ELP3: variants seen among roughly 807,000 people sequenced by gnomAD.
The protein encoded by ELP3 is elongator acetyltransferase complex subunit 3.
Under a neutral mutation model 74.9 loss-of-function variants are expected in ELP3, and 56 were observed. The observed-to-expected ratio is 0.75, with a 90% CI of 0.60 to 0.93. ELP3 has a LOEUF of 0.93. Among genes scored for constraint, ELP3 ranks in the 40% least tolerant of loss-of-function variants. The pLI is 0.00. For missense variants in ELP3, 573 were observed against 686.5 expected, an observed-to-expected ratio of 0.83 and a Z score of 1.85; for synonymous variants, 222 against 239.8, an observed-to-expected ratio of 0.93 and a Z score of 0.68.
intron 14 of ELP3, among the ~76,000 whole-genome samples, chr8:28,166,450 C>T (rs1156961986): frequency 6.6e-6 from 1 of 152,116 alleles, no homozygotes; most frequent in East Asian, 1.9e-4. Context: ...ATTAATTAGT[C>T]CCTATTAATT....
chr8:28,092,989 G>C (rs1275389465), upstream of ELP3: 1 of 683,568 alleles, frequency 1.5e-6, no homozygotes, highest in Non-Finnish European at 2.6e-6. Flanking sequence ...CCTGAGACCC[G>C]GGGCAGGATC....
At chr8:28,183,591 C>CTT (rs1412505247) in intron 14 of ELP3, among the ~76,000 whole-genome samples, 1 of 152,112 alleles carries the variant, frequency 6.6e-6, no homozygotes, top group Admixed American at 6.5e-5. Context: ...ACCCAGCTAA[C>CTT]TTTTTGCATT....
intron 4 of ELP3, among the ~76,000 whole-genome samples, chr8:28,107,407 C>T (rs1811741419): frequency 6.6e-6 from 1 of 152,130 alleles, no homozygotes; most frequent in South Asian, 2.1e-4. Context: ...GGAATATGAG[C>T]TGCCTAAATT....
intron 10 of ELP3, among the ~76,000 whole-genome samples, chr8:28,154,020 T>C (rs1813736899): frequency 6.6e-6 from 1 of 152,188 alleles, no homozygotes; most frequent in Non-Finnish European, 1.5e-5. Context: ...CTGCCCCAAG[T>C]GTAGTCCTGA....
intron 14 of ELP3, among the ~76,000 whole-genome samples, chr8:28,181,961 T>G (rs568833590): frequency 8.7e-6 from 1 of 114,372 alleles, no homozygotes; most frequent in Non-Finnish European, 2.1e-5. Flanking sequence ...GTGGTTTTCT[T>G]TGTTTGTTTG....
intron 14 of ELP3, among the ~76,000 whole-genome samples, chr8:28,179,290 T>C (rs761369960): frequency 2.0e-5 from 3 of 152,272 alleles, no homozygotes; most frequent in Non-Finnish European, 4.4e-5. Flanking sequence ...TTCATTGACA[T>C]GTAGGACTCC....
chr8:28,127,506 G>T (rs907287615), intron 7 of ELP3, among the ~76,000 whole-genome samples: 1 of 151,616 alleles, frequency 6.6e-6, no homozygotes, highest in East Asian at 1.9e-4. Context: ...TTCAACCTTT[G>T]TATGGTGTGC....
intron 11 of ELP3, among the ~76,000 whole-genome samples, chr8:28,158,006 C>A: frequency 7.0e-6 from 1 of 142,906 alleles, no homozygotes. Context: ...TCTTTCCTTC[C>A]TTCCTTCCTT....
intron 7 of ELP3, among the ~76,000 whole-genome samples, chr8:28,121,735 T>A (rs1812382212): frequency 1.3e-5 from 2 of 152,246 alleles, no homozygotes; most frequent in African/African-American, 4.8e-5. Context: ...CTAAAAGCTA[T>A]TTTTGTAAAT....
intron 7 of ELP3, among the ~76,000 whole-genome samples, chr8:28,115,007 G>T (rs1481698512): frequency 6.6e-6 from 1 of 152,082 alleles, no homozygotes; most frequent in Non-Finnish European, 1.5e-5. Flanking sequence ...TTGAGATGGG[G>T]GTAAGAGAAA....
Position 28,132,395 on chromosome 8 carries a change from A to G in ELP3, c.897A>G (p.Glu299=). The G allele has an allele frequency of 6.2e-7, 1 of 1,614,076 alleles. No individual in the cohort carries two copies. The highest frequency in any genetic ancestry group is 2.2e-5 in the East Asian group (1 of 44,878). Residue 299 remains glutamate (E), a synonymous_variant, in exon 9 of 15, where the codon GAA becomes GAG. Transcript: ENST00000256398. The part of the protein sequence containing the change: ...LPNVGLERDI[E]QFTEFFENPA... ...ACGTGGGACTAGAAAGAGACATTGA[A>G]CAGTTCACAGTAAGTGTGACTTCAG...
chr8:28,099,763 C>A, intron 2 of ELP3, 65 bp from the exon 3 acceptor site: 1 of 1,571,422 alleles, frequency 6.4e-7, no homozygotes. Context: ...GTTTATAGAT[C>A]ATCCTCTTGG....
chr8:28,163,902 G>T (rs1017677397), intron 14 of ELP3, among the ~76,000 whole-genome samples: 1 of 152,190 alleles, frequency 6.6e-6, no homozygotes, highest in African/African-American at 2.4e-5. Context: ...GTGCTCCCAG[G>T]TGATACCATG....
chr8:28,132,443 T>C, intron 9 of ELP3, 39 bp downstream of exon 9: 1 of 1,613,004 alleles, frequency 6.2e-7, no homozygotes, highest in Middle Eastern at 1.7e-4. Flanking sequence ...AGAATGGCTC[T>C]GCATGTTTCT....
At chr8:28,158,419 T>G (rs1000018571) in intron 11 of ELP3, 149 bp from the exon 12 acceptor site, 4 of 637,530 alleles carry the variant, frequency 6.3e-6, no homozygotes, top group South Asian at 5.9e-5. Context: ...TCAGCTCTTT[T>G]ATCTCACTGC....
intron 1 of ELP3, among the ~76,000 whole-genome samples, chr8:28,096,784 A>G (rs1348137863): frequency 1.3e-5 from 2 of 152,196 alleles, no homozygotes; most frequent in East Asian, 1.9e-4. Context: ...TGTTCTGTCT[A>G]CCTCTGTTCT....
chr8:28,160,411 T>C lies in ELP3; in HGVS notation c.1440T>C (p.Ser480=). The C allele has an allele frequency of 6.2e-7, 1 of 1,614,022 alleles. No individual in the cohort carries two copies. The highest frequency in any genetic ancestry group is 8.5e-7 in the Non-Finnish European group (1 of 1,179,982). The part of the protein sequence containing the change: ...SIVRELHVYG[S]VVPVSSRDPT... ...TACGAGAGCTGCATGTGTATGGGAG[T>C]GTGGTCCCTGTGAGCAGCCGGGATC... The change falls in exon 13 of 15, where the codon AGT becomes AGC. Residue 480 remains serine, a synonymous_variant. Transcript: ENST00000256398.
chr8:28,090,453 G>C (rs538543403), upstream of ELP3: 21 of 299,870 alleles, frequency 7.0e-5, no homozygotes, highest in African/African-American at 4.7e-4. Context: ...TCTTGGTCTT[G>C]TGATAAATCC....
At chr8:28,116,577 TA>T (rs1224305294) in intron 7 of ELP3, among the ~76,000 whole-genome samples, 1 of 152,082 alleles carries the variant, frequency 6.6e-6, no homozygotes, top group African/African-American at 2.4e-5. Context: ...TCTTCTCTAC[TA>T]AAAATGTAAA....
Sources: allele counts gnomAD v4.1 joint callset (sites outside exome capture counted in the v4.1 genomes callset), GRCh38; gene constraint gnomAD v4.1.1; transcripts MANE v1.5; gene names NCBI Gene and HGNC (gene_info 2026-07-23, HGNC 2026-07-21).